The following TMEM50B variants were observed in gnomAD, a reference collection of about 807,000 sequenced individuals.
TMEM50B encodes the protein HCV p7-trans-regulated protein 3.
TMEM50B carries 14 observed loss-of-function variants against 23.4 expected under a neutral mutation model. That is an observed-to-expected ratio of 0.60 (90% CI 0.39 to 0.93). The LOEUF (loss-of-function observed/expected upper bound fraction) is 0.93, where lower values mean the gene tolerates loss of function less well. Among genes scored for constraint, TMEM50B ranks in the 40% least tolerant of loss-of-function variants. TMEM50B has a pLI of 0.00. For missense variants in TMEM50B, 159 were observed against 193.0 expected (o/e 0.82, Z 1.04); for synonymous variants, 64 against 62.3 (o/e 1.03, Z -0.13).
At chr21:33,436,975 G>T in intron 8 of TMEM50B, 2 of 1,613,784 alleles carry the variant, frequency 1.2e-6, no homozygotes, top group Non-Finnish European at 1.7e-6. Flanking sequence ...CAAAGCATGG[G>T]CCTAGCCCAC....
intron 6 of TMEM50B, among the ~76,000 whole-genome samples, chr21:33,454,102 CA>C (rs35393378): frequency 9.3e-4 from 93 of 100,292 alleles, no homozygotes; most frequent in Admixed American, 1.5e-3. Context: ...GAATCCAGCT[CA>C]AAAAAAAAAA....
intron 8 of TMEM50B, among the ~76,000 whole-genome samples, chr21:33,434,587 G>A (rs1352356412): frequency 6.6e-6 from 1 of 152,198 alleles, no homozygotes; most frequent in African/African-American, 2.4e-5. Context: ...GGTAAACCTA[G>A]AGTAAAGGTG....
At chr21:33,439,363 G>GT (rs1419668201) in intron 7 of TMEM50B, 1 of 151,892 alleles carries the variant, frequency 6.6e-6, no homozygotes, top group African/African-American at 2.4e-5. Flanking sequence ...CTCTGTTAGG[G>GT]TAAGTGCATC....
Position 33,450,810 on chromosome 21 carries a change from A to G in TMEM50B, c.*8T>C. The G allele has an allele frequency of 6.2e-7, 1 of 1,611,258 alleles. No individual in the cohort carries two copies. Among genetic ancestry groups the G allele is most frequent in the East Asian group, 2.2e-5 (1 of 44,814 alleles). ...TAACAAAAGGAAAATGTGACTTAAG[A>G]AGTGATCTCAGGTCCATAGCTCTTC... is the stretch of plus-strand genomic sequence containing the variant. On this transcript the variant is annotated 3_prime_UTR_variant, in exon 7 of 7. Transcript: ENST00000542230.
chr21:33,434,964 C>T (rs888855202), intron 8 of TMEM50B, among the ~76,000 whole-genome samples: 3 of 152,122 alleles, frequency 2.0e-5, no homozygotes, highest in African/African-American at 4.8e-5. Flanking sequence ...AAAGAACATC[C>T]GCCAAAGGTC....
Position 33,465,421 on chromosome 21 carries a change from C to CA in TMEM50B, c.213-13dup. 6.2e-7 allele frequency: 1 copy of CA among 1,600,922 alleles called. No individual in the cohort carries two copies. On this transcript the variant is annotated splice_polypyrimidine_tract_variant and intron_variant, in intron 3 of 6. Coordinates refer to ENST00000542230, the MANE Select transcript of TMEM50B (RefSeq NM_006134.7). ...ATACAGCATTTATCCTAGAACGGCA[C>CA]AAAATCATCAAATGAATTTCAGTAT... is the stretch of plus-strand genomic sequence containing the variant.
chr21:33,448,151 G>A (rs747020744), downstream of TMEM50B, among the ~76,000 whole-genome samples: 39 of 152,050 alleles, frequency 2.6e-4, no homozygotes, highest in Admixed American at 2.2e-3. Flanking sequence ...GCACCACCAC[G>A]CCTGGCTAAT....
chr21:33,434,000 C>G (rs989698664), intron 8 of TMEM50B, among the ~76,000 whole-genome samples: 1 of 152,120 alleles, frequency 6.6e-6, no homozygotes, highest in East Asian at 1.9e-4. Context: ...GGCCCTAAGG[C>G]AGAGTCAACA....
At position 33,449,224 on chromosome 21, in the gene TMEM50B, G is replaced by A. The variant is rs180797734; in HGVS notation, c.*1594C>T. On this transcript the variant is annotated 3_prime_UTR_variant, in exon 7 of 7. Coordinates refer to ENST00000542230, the MANE Select transcript of TMEM50B (RefSeq NM_006134.7). ...TACAATTTGCTAGAAGCATGACAGA[G>A]CTTACTAACATTTTGAAGAAAAAAC... is the stretch of plus-strand genomic sequence containing the variant. The A allele has an allele frequency of 1.6e-4, 25 of 152,282 alleles. No homozygotes were observed. The East Asian group carries it at 4.6e-3, about 28-fold the overall frequency. 9.4% of individuals were successfully genotyped at this position (152,282 alleles called of 1,614,324 possible).
At chr21:33,475,212 C>A (rs1429165504) in intron 1 of TMEM50B, among the ~76,000 whole-genome samples, 4 of 152,118 alleles carry the variant, frequency 2.6e-5, no homozygotes, top group Admixed American at 6.6e-5. Context: ...AGGTGTTGAG[C>A]CACTGCGGCT....
chr21:33,440,806 T>C (rs965802053), intron 7 of TMEM50B, among the ~76,000 whole-genome samples: 2 of 149,950 alleles, frequency 1.3e-5, no homozygotes, highest in Non-Finnish European at 3.0e-5. Context: ...CACTTGAACC[T>C]GGGAGGCAGA....
chr21:33,476,356 T>G (rs1051632855), intron 1 of TMEM50B, among the ~76,000 whole-genome samples: 2 of 151,370 alleles, frequency 1.3e-5, no homozygotes, highest in African/African-American at 4.9e-5. Flanking sequence ...GCACTCCAGC[T>G]TGGGCAACAA....
chr21:33,436,995 G>A (rs971373258), intron 8 of TMEM50B: 1 of 1,612,518 alleles, frequency 6.2e-7, no homozygotes, highest in Admixed American at 1.7e-5. Context: ...CTGGCTCCCT[G>A]GAAGAGATCA....
downstream of TMEM50B, among the ~76,000 whole-genome samples, chr21:33,448,235 T>C (rs1307600732): frequency 1.3e-5 from 2 of 151,834 alleles, no homozygotes; most frequent in Non-Finnish European, 2.9e-5. Context: ...CCTCATGATC[T>C]GCCCGCCTCG....
chr21:33,475,579 C>T (rs888828648), intron 1 of TMEM50B, among the ~76,000 whole-genome samples: 3 of 152,066 alleles, frequency 2.0e-5, no homozygotes, highest in Non-Finnish European at 4.4e-5. Context: ...AACTCCTGAC[C>T]TCGTGATCCA....
intron 8 of TMEM50B, among the ~76,000 whole-genome samples, chr21:33,438,793 G>T (rs1329843147): frequency 6.6e-6 from 1 of 151,452 alleles, no homozygotes; most frequent in Non-Finnish European, 1.5e-5. Context: ...GCAGTGGCGC[G>T]ATCTCAGCTC....
intron 1 of TMEM50B, among the ~76,000 whole-genome samples, chr21:33,472,815 T>C (rs1406650316): frequency 6.6e-6 from 1 of 151,494 alleles, no homozygotes; most frequent in Non-Finnish European, 1.5e-5. Context: ...GAGGTTGCAG[T>C]GAGCCAAGAT....
At chr21:33,436,114 T>C (rs2083946663) in intron 8 of TMEM50B, among the ~76,000 whole-genome samples, 1 of 151,618 alleles carries the variant, frequency 6.6e-6, no homozygotes, top group Non-Finnish European at 1.5e-5. Context: ...TCCCAGCACT[T>C]TGGGAGGCCG....
intron 4 of TMEM50B, chr21:33,465,023 A>G (rs796650878): frequency 1.1e-4 from 26 of 228,918 alleles, no homozygotes; most frequent in African/African-American, 5.9e-4. Flanking sequence ...AATCATAGTC[A>G]GCCATCTTGT....
Sources: allele counts gnomAD v4.1 joint callset (sites outside exome capture counted in the v4.1 genomes callset), GRCh38; gene constraint gnomAD v4.1.1; transcripts MANE v1.5; gene names NCBI Gene and HGNC (gene_info 2026-07-23, HGNC 2026-07-21).